SGSH: variants seen among roughly 807,000 people sequenced by gnomAD.
The protein encoded by SGSH is N-sulfoglucosamine sulfohydrolase, also known as heparan sulfate sulfatase.
Under a neutral mutation model 51.0 loss-of-function variants are expected in SGSH, and 48 were observed. The observed-to-expected ratio is 0.94, with a 90% CI of 0.75 to 1.20. The LOEUF (loss-of-function observed/expected upper bound fraction) is 1.20. Ranked by LOEUF, SGSH falls within the 50% of genes most tolerant of loss-of-function variation. The pLI, the probability that SGSH is intolerant of heterozygous loss-of-function variation, is 0.00. For synonymous variants in SGSH, 321 were observed against 313.4 expected, an observed-to-expected ratio of 1.02 and a Z score of -0.26; for missense variants, 662 against 717.8, an observed-to-expected ratio of 0.92 and a Z score of 0.89.
chr17:80,202,678 C>G (rs9914128), downstream of SGSH: 41,419 of 1,215,426 alleles, frequency 0.034, 1,663 homozygotes, highest in African/African-American at 0.19. Flanking sequence ...AGCTTTGGTA[C>G]CATGGACGTT....
chr17:80,205,260 T>G (rs1282537332), downstream of SGSH: 19 of 1,184,088 alleles, frequency 1.6e-5, no homozygotes, highest in East Asian at 5.9e-4. Context: ...CCCTCCCTCC[T>G]CCCCTTCCTC....
At chr17:80,202,441 C>G, downstream of SGSH, 1 of 1,604,338 alleles carries the variant, frequency 6.2e-7, no homozygotes, top group Non-Finnish European at 8.5e-7. Flanking sequence ...GCCTCGAGCT[C>G]GGTGCGTCCC....
chr17:80,212,430 C>T lies in SGSH; in HGVS notation c.746-156G>A. ...GTAGTTCTTCCCAATGGCCCTGGCT[C>T]TTGCCCAGCTCTTGCCCAGCTCCGC... is the stretch of plus-strand genomic sequence containing the variant. On this transcript the variant is annotated intron_variant, in intron 6 of 7. Coordinates refer to ENST00000326317, the MANE Select transcript of SGSH (RefSeq NM_000199.5). This position sits in a 1 kb window ranked among gnomAD's most constrained non-coding sequence, Gnocchi z 5.9. The T allele has an allele frequency of 2.8e-6, 2 of 710,252 alleles. No homozygotes were observed. Among genetic ancestry groups the T allele is most frequent in the Non-Finnish European group, 5.0e-6 (2 of 400,462 alleles). 44.0% of individuals were successfully genotyped at this position (710,252 alleles called of 1,614,324 possible).
intron 1 of SGSH, among the ~76,000 whole-genome samples, chr17:80,218,208 G>T (rs2041962482): frequency 6.6e-6 from 1 of 152,246 alleles, no homozygotes; most frequent in East Asian, 1.9e-4. Flanking sequence ...CTCGCCCAGG[G>T]CGCGTCTAAA....
chr17:80,211,400 C>A, intron 7 of SGSH: 1 of 326,420 alleles, frequency 3.1e-6, no homozygotes, highest in East Asian at 8.1e-5. Context: ...GAAAGGGAAC[C>A]TGAGTTTCCT....
rs1299094462 is a variant in SGSH at position 80,209,785 on chromosome 17, A to G, written c.*667T>C. 1.0e-6 allele frequency: 1 copy of G among 985,826 alleles called. No homozygotes were observed. Among genetic ancestry groups the G allele is most frequent in the Admixed American group, 6.1e-5 (1 of 16,302 alleles). 61.1% of individuals were successfully genotyped at this position (985,826 alleles called of 1,614,324 possible). On this transcript the variant is annotated 3_prime_UTR_variant, in exon 8 of 8. Coordinates refer to ENST00000326317, the MANE Select transcript of SGSH (RefSeq NM_000199.5). ...CAAAAAAGATAAGCTTCTGCCCAGA[A>G]ACACCACAGGTTCAAGCTCATCACT... is the stretch of plus-strand genomic sequence containing the variant.
At position 80,209,960 on chromosome 17, in the gene SGSH, GGTGA is replaced by G. The variant is rs2041565510; in HGVS notation, c.*488_*491del. The stretch of plus-strand genomic sequence containing the variant: ...GTAAGAGCCAGGCGCCGTGCTCCCA[GGTGA>G]GTGTCGGTGGGACCTGCGTACTGCC... On this transcript the variant is annotated 3_prime_UTR_variant, in exon 8 of 8. Coordinates refer to ENST00000326317, the MANE Select transcript of SGSH (RefSeq NM_000199.5). 1 of 1,004,516 alleles carries G rather than the reference GGTGA, an allele frequency of 1.0e-6. No homozygotes were observed. The highest frequency in any genetic ancestry group is 1.7e-5 in the African/African-American group (1 of 57,800). 62.2% of individuals were successfully genotyped at this position (1,004,516 alleles called of 1,614,324 possible).
Position 80,212,463 on chromosome 17 carries a change from C to A in SGSH, c.746-189G>T, listed in dbSNP as rs1246254730. The A allele has an allele frequency of 3.1e-6, 2 of 651,162 alleles. No individual in the cohort carries two copies. Among genetic ancestry groups the A allele is most frequent in the Non-Finnish European group, 5.6e-6 (2 of 358,136 alleles). The allele number at this position is 651,162 out of a possible 1,614,324, so 40.3% of individuals were successfully genotyped here. On this transcript the variant is annotated intron_variant, in intron 6 of 7. Coordinates refer to ENST00000326317, the MANE Select transcript of SGSH (RefSeq NM_000199.5). The surrounding 1 kb of genome is among the most constrained non-coding windows in gnomAD (Gnocchi z 5.9). The stretch of plus-strand genomic sequence containing the variant: ...GCTCTTGCCCAGCTCCGCCCAGCTC[C>A]CATTCCCTGAGCAGGCCTCGAATGG...
At position 80,215,065 on chromosome 17, in the gene SGSH, G is replaced by A. The variant is rs762164487; in HGVS notation, c.323C>T (p.Pro108Leu). ...FNSFDKVRSL[P>L]LLLSQAGVRT... ...CACACCAGCTTGGCTGAGCAGCAGC[G>A]GCAGGCTCCGCACCTTGTCGAAGGA... Residue 108 changes from proline (P) to leucine (L), a missense_variant, in exon 3 of 8, where the codon CCG becomes CTG. Pro to Leu is a moderately conservative substitution (Grantham distance 98). Transcript: ENST00000326317. 4.3e-6 allele frequency: 7 copies of A among 1,611,988 alleles called. No homozygotes were observed. Among genetic ancestry groups the A allele is most frequent in the Non-Finnish European group, 5.1e-6 (6 of 1,179,900 alleles).
downstream of SGSH, chr17:80,202,104 A>T (rs998265723): frequency 7.3e-7 from 1 of 1,369,246 alleles, no homozygotes; most frequent in Non-Finnish European, 1.0e-6. Context: ...CTTCTCTCCT[A>T]CTTTAATTTT....
intron 4 of SGSH, 103 bp from the exon 5 acceptor site, chr17:80,214,431 T>A (rs558726519): frequency 5.0e-6 from 7 of 1,386,474 alleles, no homozygotes; most frequent in Middle Eastern, 2.3e-4. Context: ...AGTCAACCTG[T>A]GACCCTCACT....
chr17:80,205,900 A>G (rs1348822057), downstream of SGSH: 4 of 410,304 alleles, frequency 9.7e-6, no homozygotes, highest in Non-Finnish European at 1.7e-5. Flanking sequence ...TGTTTAATAG[A>G]TATTTGTTCG....
In SGSH at chr17:80,220,299, C is replaced by T. The variant is rs1040195143; in HGVS notation, c.15G>A (p.Val5=). 2.0e-6 allele frequency: 3 copies of T among 1,516,176 alleles called. No homozygotes were observed. Among genetic ancestry groups the T allele is most frequent in the South Asian group, 2.4e-5 (2 of 81,932 alleles). The allele number at this position is 1,516,176 out of a possible 1,614,324, so 93.9% of individuals were successfully genotyped here. ...CTAGCAGCAGCGCGCAGCAGGCGGG[C>T]ACGGGGCAGCTCATGGCGGCGGCGG... MSCP[V]PACCALLLVL... Residue 5 remains valine (V), a synonymous_variant, in exon 1 of 8, where the codon GTG becomes GTA. Coordinates refer to ENST00000326317, the MANE Select transcript of SGSH (RefSeq NM_000199.5).
chr17:80,220,258 C>T lies in SGSH; in HGVS notation c.56G>A (p.Arg19Gln). The T allele has an allele frequency of 6.6e-7, 1 of 1,522,890 alleles. No individual in the cohort carries two copies. Among genetic ancestry groups the T allele is most frequent in the Non-Finnish European group, 8.8e-7 (1 of 1,141,830 alleles). The allele number at this position is 1,522,890 out of a possible 1,614,324, so 94.3% of individuals were successfully genotyped here. Residue 19 changes from arginine (R) to glutamine (Q), a missense_variant, in exon 1 of 8, where the codon CGG becomes CAG. Coordinates refer to ENST00000326317, the MANE Select transcript of SGSH (RefSeq NM_000199.5). ...CALLLVLGLC[R>Q]ARPRNALLLL... ...CAGCAGTGCGTTCCGGGGACGCGCC[C>T]GGCAGAGCCCCAGGACTAGCAGCAG...
At chr17:80,217,376 A>T (rs2041933534) in intron 1 of SGSH, 184 bp from the exon 2 acceptor site, 1 of 706,030 alleles carries the variant, frequency 1.4e-6, no homozygotes. Context: ...CCTAGGAGGC[A>T]TGACACCCGA....
At chr17:80,206,366 C>T (rs1484871731), downstream of SGSH, among the ~76,000 whole-genome samples, 1 of 152,220 alleles carries the variant, frequency 6.6e-6, no homozygotes, top group Non-Finnish European at 1.5e-5. Context: ...GTAATCCCCA[C>T]ACTTTGGGAG....
At chr17:80,216,933 C>G (rs1430747887) in intron 2 of SGSH, 99 bp downstream of exon 2, 5 of 1,226,956 alleles carry the variant, frequency 4.1e-6, no homozygotes, top group Non-Finnish European at 5.6e-6. Flanking sequence ...GGCAACACCC[C>G]CCGGGATCCC....
downstream of SGSH, chr17:80,202,604 T>G: frequency 7.0e-7 from 1 of 1,428,360 alleles, no homozygotes; most frequent in Non-Finnish European, 9.1e-7. Context: ...ATGCTTTATA[T>G]ATTGCAAATG....
At chr17:80,204,662 A>G (rs747620097), downstream of SGSH, 3 of 381,718 alleles carry the variant, frequency 7.9e-6, no homozygotes, top group Non-Finnish European at 1.4e-5. Flanking sequence ...AGTACAGGAC[A>G]GAGGGAGGGC....
Sources: allele counts gnomAD v4.1 joint callset (sites outside exome capture counted in the v4.1 genomes callset), GRCh38; gene constraint gnomAD v4.1.1; non-coding constraint Gnocchi (gnomAD v3.1); transcripts MANE v1.5; gene names NCBI Gene and HGNC (gene_info 2026-07-23, HGNC 2026-07-21).